SLC25A6: variants seen among roughly 807,000 people sequenced by gnomAD.
SLC25A6 encodes ADP/ATP translocase 3.
SLC25A6 carries 9 observed loss-of-function variants against 25.7 expected under a neutral mutation model. The ratio of observed to expected loss-of-function variants is 0.35; its 90% confidence interval spans 0.21 to 0.61. The LOEUF (loss-of-function observed/expected upper bound fraction) is 0.61, where lower values mean the gene tolerates loss of function less well. Ranked by LOEUF, SLC25A6 falls within the 20% of genes least tolerant of loss-of-function variation. SLC25A6 has a pLI of 0.76. For synonymous variants in SLC25A6, 223 were observed against 197.0 expected (o/e 1.13, Z -1.11); for missense variants, 404 against 440.5 (o/e 0.92, Z 0.74).
Position 1,390,020 on chromosome X carries a change from T to C in SLC25A6, c.112-293A>G, listed in dbSNP as rs185402774. 5.4e-3 allele frequency among the ~76,000 whole-genome samples: 818 copies of C among 152,096 alleles called. 9 individuals carry two copies. Among genetic ancestry groups the C allele is most frequent in the African/African-American group, 0.019 (788 of 41,500 alleles). On this transcript the variant is annotated intron_variant, in intron 1 of 3. Transcript: ENST00000381401. ...GTGAGCCACCGCACCCGGCTCTTTC[T>C]TTTTTTAAAAAGACAAGGTCTCATG... is the stretch of plus-strand genomic sequence containing the variant.
intron 2 of SLC25A6, among the ~76,000 whole-genome samples, chrX:1,387,726 G>A (rs1189153085): frequency 6.6e-6 from 1 of 152,194 alleles, no homozygotes; most frequent in Non-Finnish European, 1.5e-5. Context: ...CGTTACTATG[G>A]GAGTTACACT....
chrX:1,390,813 T>TTA (rs1196720412), intron 1 of SLC25A6, among the ~76,000 whole-genome samples: 5 of 150,214 alleles, frequency 3.3e-5, no homozygotes, highest in East Asian at 2.0e-4. Context: ...CTGCTAAGTT[T>TTA]AAAACTTTTT....
Position 1,391,953 on chromosome X carries a change from G to A in SLC25A6, c.57C>T (p.Ala19=). ...GAGCCACGGCCGTCTTGGAGATGGC[G>A]GCGGCGATGCCTCCGGCCAAGAAGT... is the stretch of plus-strand genomic sequence containing the variant. ...AKDFLAGGIA[A]AISKTAVAPI... is the part of the protein sequence containing the mutation. The change falls in exon 1 of 4, where the codon GCC becomes GCT. Residue 19 remains alanine, a synonymous_variant. Transcript: ENST00000381401. The A allele has an allele frequency of 3.7e-6, 6 of 1,609,942 alleles. No homozygotes were observed. Among genetic ancestry groups the A allele is most frequent in the Non-Finnish European group, 5.1e-6 (6 of 1,179,032 alleles).
chrX:1,391,779 C>T (rs757655701), intron 1 of SLC25A6, 120 bp downstream of exon 1: 2 of 706,306 alleles, frequency 2.8e-6, no homozygotes, highest in Non-Finnish European at 4.6e-6. Flanking sequence ...GTGGACAAAG[C>T]GATCGCGGCC....
rs770031074 is a variant in SLC25A6 at position 1,389,759 on chromosome X, C to G, written c.112-32G>C. 8 of 1,600,476 alleles carry G rather than the reference C, an allele frequency of 5.0e-6. No homozygotes were observed. The African/African-American group carries it at 8.0e-5, about 16-fold the overall frequency. On this transcript the variant is annotated intron_variant, in intron 1 of 3. Transcript: ENST00000381401. ...GACGCAGAGGGTGTTCAGACCAGAC[C>G]CAGGGCCAACCACCCAGAAACATCC...
At chrX:1,389,791 C>G in intron 1 of SLC25A6, 64 bp from the exon 2 acceptor site, 1 of 1,577,686 alleles carries the variant, frequency 6.3e-7, no homozygotes, top group Non-Finnish European at 8.6e-7. Context: ...ATCCCAGCTA[C>G]AGGGTGCATC....
Position 1,389,335 on chromosome X carries a change from G to A in SLC25A6, c.504C>T (p.Asp168=), listed in dbSNP as rs778109607. 1.7e-5 allele frequency: 27 copies of A among 1,613,738 alleles called. No homozygotes were observed. The South Asian group carries it at 2.2e-4, about 13-fold the overall frequency. The change falls in exon 2 of 4, where the codon GAC becomes GAT. Residue 168 remains aspartate, a synonymous_variant. Transcript: ENST00000381401. ...AGCCCTGGTACAGGCCCCGGATGCC[G>A]TCGGACTTGGTGATCTTCACCAGGC... ...GDCLVKITKS[D]GIRGLYQGFS...
rs377045153 is a variant in SLC25A6, at chrX:1,387,273, G to A, written c.739+6C>T. On this transcript the variant is annotated splice_donor_region_variant and intron_variant, in intron 3 of 3. Transcript: ENST00000381401. ...GGCAGCAAGGGTCCCCCGCCCCCCC[G>A]AGTACCTCCTTTGCGCCCGGACTGC... 27 of 1,610,384 alleles carry A rather than the reference G, an allele frequency of 1.7e-5. No individual in the cohort carries two copies. The African/African-American group carries it at 1.7e-4, about 10-fold the overall frequency.
rs140860839 is a variant in SLC25A6 at position 1,389,482 on chromosome X, G to A, written c.357C>T (p.Ser119=). The stretch of plus-strand genomic sequence containing the variant: ...GGGAGGTCGCGCCGGCCGCACCGCC[G>A]GAGGCCAGGTTGCCCGCAAAGTACC... The part of the protein sequence containing the change: ...FWRYFAGNLA[S]GGAAGATSLC... The change falls in exon 2 of 4, where the codon TCC becomes TCT. Residue 119 remains serine, a synonymous_variant. Transcript: ENST00000381401. 57 of 1,614,088 alleles carry A rather than the reference G, an allele frequency of 3.5e-5. 1 individual carries two copies. In the East Asian group the frequency reaches 9.8e-4, roughly 28 times the overall value.
At chrX:1,390,207 C>T (rs1409805827) in intron 1 of SLC25A6, 1 of 178,908 alleles carries the variant, frequency 5.6e-6, no homozygotes, top group Non-Finnish European at 1.2e-5. Flanking sequence ...GAGATGGAGT[C>T]TTGCTACGAT....
At chrX:1,387,816 T>C (rs747674383) in intron 2 of SLC25A6, among the ~76,000 whole-genome samples, 1 of 152,104 alleles carries the variant, frequency 6.6e-6, no homozygotes, top group East Asian at 1.9e-4. Flanking sequence ...TATAAGGTCT[T>C]GAAAGAGGTA....
At chrX:1,391,683 G>A (rs1206470961) in intron 1 of SLC25A6, among the ~76,000 whole-genome samples, 1 of 152,186 alleles carries the variant, frequency 6.6e-6, no homozygotes, top group Admixed American at 6.5e-5. Flanking sequence ...ATTTCCCCCC[G>A]CCCGCCGGGC....
Position 1,389,515 on chromosome X carries a change from C to G in SLC25A6, c.324G>C (p.Gln108His), listed in dbSNP as rs1240409982. ...IFLGGVDKHT[Q>H]FWRYFAGNLA... The stretch of plus-strand genomic sequence containing the variant: ...GGTTGCCCGCAAAGTACCTCCAGAA[C>G]TGCGTGTGCTTGTCCACGCCCCCCA... Residue 108 changes from glutamine to histidine, a missense_variant, in exon 2 of 4, where the codon CAG (glutamine) becomes CAC (histidine). Transcript: ENST00000381401. 6.2e-7 allele frequency: 1 copy of G among 1,614,112 alleles called. No individual in the cohort carries two copies. Among genetic ancestry groups the G allele is most frequent in the East Asian group, 2.2e-5 (1 of 44,894 alleles).
chrX:1,390,859 G>A (rs748530710), intron 1 of SLC25A6, among the ~76,000 whole-genome samples: 1 of 151,142 alleles, frequency 6.6e-6, no homozygotes, highest in Non-Finnish European at 1.5e-5. Flanking sequence ...GCCCTGGCTG[G>A]TCTCAAACTC....
At position 1,389,976 on chromosome X, in the gene SLC25A6, G is replaced by T. The variant is rs138635296; in HGVS notation, c.112-249C>A. ...GCGTTCCACCATGTTAGTCAGGATG[G>T]TCTCGATCTGCTGACCTCGTGAGCC... On this transcript the variant is annotated intron_variant, in intron 1 of 3. Transcript: ENST00000381401. 3.8e-3 allele frequency among the ~76,000 whole-genome samples: 577 copies of T among 151,970 alleles called. 5 individuals are homozygous for T. Among genetic ancestry groups the T allele is most frequent in the African/African-American group, 0.013 (538 of 41,428 alleles).
intron 1 of SLC25A6, among the ~76,000 whole-genome samples, 155 bp downstream of exon 1, chrX:1,391,744 C>T (rs6644605): frequency 0.63 from 95,715 of 152,138 alleles, 30,852 homozygotes; most frequent in African/African-American, 0.75. Flanking sequence ...GGTCACGTGA[C>T]GCGGCCCCCG....
intron 2 of SLC25A6, 130 bp from the exon 3 acceptor site, chrX:1,387,549 C>G: frequency 7.5e-7 from 1 of 1,328,284 alleles, no homozygotes; most frequent in South Asian, 1.3e-5. Flanking sequence ...GTGCCCCCTC[C>G]ACGTGGCTGC....
At chrX:1,391,427 G>C (rs1281406818) in intron 1 of SLC25A6, among the ~76,000 whole-genome samples, 2 of 152,190 alleles carry the variant, frequency 1.3e-5, no homozygotes, top group Admixed American at 6.5e-5. Context: ...TAAGAAGGGG[G>C]TAAGAACCAC....
At position 1,389,538 on chromosome X, in the gene SLC25A6, C is replaced by G; in HGVS notation, c.301G>C (p.Gly101Arg). ...FKDKYKQIFL[G>R]GVDKHTQFWR... Reference sequence around the variant, plus strand: ...AACTGCGTGTGCTTGTCCACGCCCCCCAGGAAGATCTGCTTGTACTTATCC... The same window carrying G: ...AACTGCGTGTGCTTGTCCACGCCCCGCAGGAAGATCTGCTTGTACTTATCC... Residue 101 changes from glycine (G) to arginine (R), a missense_variant, in exon 2 of 4, where the codon GGG becomes CGG. By Grantham distance (125) the Gly-to-Arg change is moderately radical. Coordinates refer to ENST00000381401, the MANE Select transcript of SLC25A6 (RefSeq NM_001636.4). The G allele has an allele frequency of 1.2e-6, 2 of 1,614,198 alleles. No homozygotes were observed. Among genetic ancestry groups the G allele is most frequent in the Non-Finnish European group, 1.7e-6 (2 of 1,180,034 alleles).
Sources: gnomAD v4.1 joint callset for allele counts (sites outside exome capture counted in the v4.1 genomes callset) on GRCh38, gnomAD v4.1.1 for gene constraint, MANE v1.5 for transcripts, NCBI Gene and HGNC (gene_info 2026-07-23, HGNC 2026-07-21) for gene names.